The following HSP90AB1 variants were observed in gnomAD, a reference collection of about 807,000 sequenced individuals.
HSP90AB1 encodes the protein heat shock protein 90 alpha family class B member 1, also known as heat shock protein HSP 90-beta.
HSP90AB1 carries 17 observed loss-of-function variants against 67.8 expected under a neutral mutation model. The observed-to-expected ratio is 0.25, with a 90% CI of 0.17 to 0.38. HSP90AB1 has a LOEUF of 0.38. Ranked by LOEUF, HSP90AB1 falls within the 10% of genes least tolerant of loss-of-function variation. HSP90AB1 has a pLI of 1.00. For missense variants in HSP90AB1, 690 were observed against 899.9 expected (o/e 0.77, Z 2.98); for synonymous variants, 390 against 312.9 (o/e 1.25, Z -2.60).
chr6:44,251,935 G>A, intron 9 of HSP90AB1, 51 bp downstream of exon 9: 1 of 1,613,250 alleles, frequency 6.2e-7, no homozygotes, highest in Admixed American at 1.7e-5. Flanking sequence ...AGCACAATTA[G>A]GGCTTCCTGG....
chr6:44,250,556 A>G lies in HSP90AB1; in HGVS notation c.914A>G (p.Tyr305Cys). 1 of 1,613,632 alleles carries G rather than the reference A, an allele frequency of 6.2e-7. No individual in the cohort carries two copies. Among genetic ancestry groups the G allele is most frequent in the Non-Finnish European group, 8.5e-7 (1 of 1,179,670 alleles). The change falls in exon 6 of 12, where the codon TAC (tyrosine) becomes TGC (cysteine). Residue 305 changes from tyrosine (Y) to cysteine (C), a missense_variant. Transcript: ENST00000371646. ...DITQEEYGEF[Y>C]KSLTNDWEDH... is the part of the protein sequence containing the mutation. ...ACCCAAGAGGAGTATGGAGAATTCT[A>G]CAAGAGCCTCACTAATGACTGGGAA...
In HSP90AB1 at chr6:44,251,142, A is replaced by C. The variant is rs71562797; in HGVS notation, c.1052A>C (p.Asn351Thr). ...CTTTTTGAGAACAAGAAGAAAAAGAACAACATCAAACTCTATGTCCGCCGT... is the reference window on the plus strand; with the variant it reads ...CTTTTTGAGAACAAGAAGAAAAAGACCAACATCAAACTCTATGTCCGCCGT... Reference protein sequence around the residue: ...FDLFENKKKKNNIKLYVRRVF... With the variant: ...FDLFENKKKKTNIKLYVRRVF... The change falls in exon 7 of 12, where the codon AAC becomes ACC. Residue 351 changes from asparagine (N) to threonine (T), a missense_variant. Transcript: ENST00000371646. The C allele has an allele frequency of 3.7e-6, 6 of 1,614,200 alleles. No individual in the cohort carries two copies. Among genetic ancestry groups the C allele is most frequent in the Non-Finnish European group, 5.1e-6 (6 of 1,180,010 alleles).
At chr6:44,246,338 C>G (rs1779900442), upstream of HSP90AB1, 1 of 152,252 alleles carries the variant, frequency 6.6e-6, no homozygotes, top group Admixed American at 6.5e-5. Context: ...CCGCGTCTCT[C>G]GGACAGGTCA....
In HSP90AB1 at chr6:44,253,651, C is replaced by G. The variant is rs777476065; in HGVS notation, c.*53C>G. The G allele has an allele frequency of 1.5e-6, 2 of 1,356,682 alleles. No homozygotes were observed. The highest frequency in any genetic ancestry group is 2.9e-5 in the African/African-American group (2 of 69,766). 84.0% of individuals were successfully genotyped at this position (1,356,682 alleles called of 1,614,324 possible). On this transcript the variant is annotated 3_prime_UTR_variant, in exon 12 of 12. Coordinates refer to ENST00000371646, the MANE Select transcript of HSP90AB1 (RefSeq NM_007355.4). The stretch of plus-strand genomic sequence containing the variant: ...TGCCCTTGTATAGTGTCCCCATGGG[C>G]TCCCACTGCAGCCTCGAGTGCCCCT...
In HSP90AB1 at chr6:44,248,638, G is replaced by C; in HGVS notation, c.9G>C (p.Glu3Asp). 1 of 1,603,422 alleles carries C rather than the reference G, an allele frequency of 6.2e-7. No homozygotes were observed. The stretch of plus-strand genomic sequence containing the variant: ...TGAGATTTTTATTTTAGATGCCTGA[G>C]GAAGTGCACCATGGAGAGGAGGAGG... MPEEVHHGEEEVE... is the reference protein window; with the variant it reads MPDEVHHGEEEVE... The change falls in exon 2 of 12, where the codon GAG (glutamate) becomes GAC (aspartate). Residue 3 changes from glutamate (E) to aspartate (D), a missense_variant. This residue lies in a region of HSP90AB1 where 25 missense variants were observed against 18.0 expected (regional missense o/e 1.39). Coordinates refer to ENST00000371646, the MANE Select transcript of HSP90AB1 (RefSeq NM_007355.4).
At chr6:44,251,352 T>A in intron 7 of HSP90AB1, 66 bp from the exon 8 acceptor site, 1 of 1,546,786 alleles carries the variant, frequency 6.5e-7, no homozygotes. Flanking sequence ...GCCTTCTGTT[T>A]GAATCTGGGG....
At chr6:44,246,785 G>A (rs1476260779), upstream of HSP90AB1, among the ~76,000 whole-genome samples, 2 of 152,184 alleles carry the variant, frequency 1.3e-5, no homozygotes, top group Non-Finnish European at 2.9e-5. Context: ...TGCCCCACAA[G>A]TGTTTAGGGA....
intron 10 of HSP90AB1, 148 bp from the exon 11 acceptor site, chr6:44,252,893 TTTTG>T: frequency 1.6e-6 from 1 of 637,780 alleles, no homozygotes; most frequent in South Asian, 1.9e-5. Flanking sequence ...CCGGTTAATT[TTTTG>T]TAGACAGGGT....
At chr6:44,247,099 C>G (rs1009257725), upstream of HSP90AB1, 8 of 152,240 alleles carry the variant, frequency 5.3e-5, no homozygotes, top group African/African-American at 1.9e-4. Context: ...CACGCAGTAG[C>G]TCTCTCGAGT....
chr6:44,252,039 G>A lies in HSP90AB1; in HGVS notation c.1503G>A (p.Glu501=). 6.2e-7 allele frequency: 1 copy of A among 1,614,192 alleles called. No individual in the cohort carries two copies. The highest frequency in any genetic ancestry group is 8.5e-7 in the Non-Finnish European group (1 of 1,180,038). The change falls in exon 10 of 12, where the codon GAG becomes GAA. Residue 501 remains glutamate (E), a synonymous_variant. Transcript: ENST00000371646. ...AGGTGGCCAACTCAGCTTTTGTGGAGCGAGTGCGGAAACGGGGCTTCGAGG... is the reference window on the plus strand; with the variant it reads ...AGGTGGCCAACTCAGCTTTTGTGGAACGAGTGCGGAAACGGGGCTTCGAGG... ...KEQVANSAFV[E]RVRKRGFEVV...
At chr6:44,250,909 A>G in intron 6 of HSP90AB1, 139 bp from the exon 7 acceptor site, 1 of 756,744 alleles carries the variant, frequency 1.3e-6, no homozygotes, top group East Asian at 2.5e-5. Context: ...ATTAAGGCTC[A>G]GTTTTCTCAG....
chr6:44,249,666 T>G lies in HSP90AB1; in HGVS notation c.355-9T>G. 1 of 1,612,466 alleles carries G rather than the reference T, an allele frequency of 6.2e-7. No homozygotes were observed. The highest frequency in any genetic ancestry group is 2.2e-5 in the East Asian group (1 of 44,842). ...TAAAACTTGTGATTGACTTTAAACT[T>G]GTTGGCAGGCTGGTGCAGACATCTC... is the stretch of plus-strand genomic sequence containing the variant. On this transcript the variant is annotated splice_polypyrimidine_tract_variant and intron_variant, in intron 3 of 11. Transcript: ENST00000371646.
Position 44,250,441 on chromosome 6 carries a change from A to G in HSP90AB1, c.799A>G (p.Lys267Glu). 1.2e-6 allele frequency: 2 copies of G among 1,613,970 alleles called. No homozygotes were observed. The highest frequency in any genetic ancestry group is 1.7e-6 in the Non-Finnish European group (2 of 1,179,848). ...GGATGACAGCGGTAAGGATAAGAAG[A>G]AGAAAACTAAGAAGATCAAAGAGAA... ...EEDDSGKDKKKKTKKIKEKYI... is the reference protein window; with the variant it reads ...EEDDSGKDKKEKTKKIKEKYI... Residue 267 changes from lysine (K) to glutamate (E), a missense_variant, in exon 6 of 12, where the codon AAG becomes GAG. Lys to Glu is a moderately conservative substitution (Grantham distance 56, BLOSUM62 1). Around this residue, in one of 7 missense-constraint regions of HSP90AB1, gnomAD observed 146 missense variants for 143.7 expected, o/e 1.02. Transcript: ENST00000371646.
At chr6:44,247,781 T>G (rs1013010784) in intron 1 of HSP90AB1, 1 of 152,282 alleles carries the variant, frequency 6.6e-6, no homozygotes, top group Non-Finnish European at 1.5e-5. Flanking sequence ...GAGCAGGTTC[T>G]GGAAGATTCA....
chr6:44,250,949 T>G, intron 6 of HSP90AB1, 99 bp from the exon 7 acceptor site: 1 of 1,055,890 alleles, frequency 9.5e-7, no homozygotes, highest in Admixed American at 1.8e-5. Context: ...CTCTATCCCT[T>G]AGGCTTAGGG....
chr6:44,250,979 T>C (rs913219239), intron 6 of HSP90AB1, 69 bp from the exon 7 acceptor site: 1 of 1,332,286 alleles, frequency 7.5e-7, no homozygotes, highest in East Asian at 2.3e-5. Context: ...GTTCCACTTT[T>C]AGATAATTTG....
Position 44,249,515 on chromosome 6 carries a change from G to A in HSP90AB1, c.286G>A (p.Ala96Thr). The A allele has an allele frequency of 6.2e-7, 1 of 1,614,190 alleles. No homozygotes were observed. Among genetic ancestry groups the A allele is most frequent in the Non-Finnish European group, 8.5e-7 (1 of 1,180,020 alleles). Residue 96 changes from alanine (A) to threonine (T), a missense_variant, in exon 3 of 12, where the codon GCT becomes ACT. Coordinates refer to ENST00000371646, the MANE Select transcript of HSP90AB1 (RefSeq NM_007355.4). ...AGACACAGGCATTGGCATGACCAAA[G>A]CTGATCTCATAAATAATTTGGGAAC... Reference protein sequence around the residue: ...LVDTGIGMTKADLINNLGTIA... With the variant: ...LVDTGIGMTKTDLINNLGTIA...
At chr6:44,250,932 G>T in intron 6 of HSP90AB1, 116 bp from the exon 7 acceptor site, 8 of 883,144 alleles carry the variant, frequency 9.1e-6, no homozygotes, top group Non-Finnish European at 1.5e-5. Context: ...GCTGCTTGTT[G>T]TGTGTGCTCT....
At chr6:44,246,652 C>T (rs189178033), upstream of HSP90AB1, among the ~76,000 whole-genome samples, 1 of 152,304 alleles carries the variant, frequency 6.6e-6, no homozygotes, top group African/African-American at 2.4e-5. Flanking sequence ...TCTGTCGGGA[C>T]GCGAGATGTG....
Sources: allele counts gnomAD v4.1 joint callset (sites outside exome capture counted in the v4.1 genomes callset), GRCh38; gene constraint gnomAD v4.1.1; regional missense constraint gnomAD v4.1.1; transcripts MANE v1.5; gene names NCBI Gene and HGNC (gene_info 2026-07-23, HGNC 2026-07-21).